The following WDR17 variants were observed in gnomAD, a reference collection of about 807,000 sequenced individuals.
WDR17 encodes WD repeat-containing protein 17.
A neutral mutation model predicts 161.7 loss-of-function variants in WDR17; 143 were observed. The observed-to-expected ratio is 0.88, with a 90% confidence interval of 0.77 to 1.02. The LOEUF (loss-of-function observed/expected upper bound fraction) is 1.02, where lower values mean the gene tolerates loss of function less well. Ranked by LOEUF, WDR17 falls within the 50% of genes least tolerant of loss-of-function variation. WDR17 has a pLI of 0.00. For synonymous variants in WDR17, 517 were observed against 515.6 expected (o/e 1.00, Z -0.04); for missense variants, 1,469 against 1,520.9 (o/e 0.97, Z 0.57).
chr4:176,071,122 C>CT (rs10654972), intron 1 of WDR17, among the ~76,000 whole-genome samples: 256 of 146,842 alleles, frequency 1.7e-3, no homozygotes, highest in East Asian at 5.4e-3. Context: ...TTCCTCAAGT[C>CT]TTTTTTTTTT....
chr4:176,176,377 A>G (rs1751458361), intron 26 of WDR17, among the ~76,000 whole-genome samples: 4 of 152,062 alleles, frequency 2.6e-5, no homozygotes, highest in Admixed American at 2.6e-4. Context: ...TTCTTGACCC[A>G]CTAAATATGT....
intron 4 of WDR17, among the ~76,000 whole-genome samples, chr4:176,120,482 A>G (rs958047022): frequency 2.6e-5 from 4 of 151,944 alleles, no homozygotes; most frequent in Non-Finnish European, 4.4e-5. Flanking sequence ...GTTTACTAAT[A>G]CTAAATATTT....
In WDR17 at chr4:176,146,106, T is replaced by C. The variant is rs113955542; in HGVS notation, c.1641T>C (p.His547=). 2.5e-5 allele frequency: 41 copies of C among 1,613,956 alleles called. No homozygotes were observed. The highest frequency in any genetic ancestry group is 3.3e-5 in the Admixed American group (2 of 60,004). Residue 547 remains histidine (H), a synonymous_variant, in exon 12 of 29, where the codon CAT becomes CAC. Transcript: ENST00000508596. ...VFSGHTAKVF[H]VKWSPLREGI... Reference sequence around the variant, plus strand: ...GTGGGCATACAGCAAAAGTGTTTCATGTTAAATGGTCTCCTCTGAGAGAGG... The same window carrying C: ...GTGGGCATACAGCAAAAGTGTTTCACGTTAAATGGTCTCCTCTGAGAGAGG...
At chr4:176,097,184 T>A (rs2126646428) in intron 1 of WDR17, among the ~76,000 whole-genome samples, 2 of 152,030 alleles carry the variant, frequency 1.3e-5, no homozygotes, top group East Asian at 3.8e-4. Context: ...TCAAATGGAT[T>A]TAGTCTAGAA....
At chr4:176,132,624 A>G (rs1743647832) in intron 7 of WDR17, among the ~76,000 whole-genome samples, 3 of 152,046 alleles carry the variant, frequency 2.0e-5, no homozygotes, top group African/African-American at 7.2e-5. Context: ...AATGATTTAT[A>G]GCAAAAATAT....
intron 11 of WDR17, 139 bp downstream of exon 11, chr4:176,142,208 C>G: frequency 1.9e-6 from 1 of 517,314 alleles, no homozygotes; most frequent in Non-Finnish European, 3.3e-6. Context: ...AAATGAGAAA[C>G]AGCCTTGTAA....
At chr4:176,118,829 C>A (rs1275103287) in intron 3 of WDR17, among the ~76,000 whole-genome samples, 2 of 151,712 alleles carry the variant, frequency 1.3e-5, no homozygotes, top group Admixed American at 1.3e-4. Flanking sequence ...GGCATGGTGG[C>A]GGGCGCCTGT....
chr4:176,151,298 A>T (rs1323325084), intron 16 of WDR17, among the ~76,000 whole-genome samples: 1 of 152,156 alleles, frequency 6.6e-6, no homozygotes, highest in Non-Finnish European at 1.5e-5. Context: ...ACTGTTGTAT[A>T]TTACTTTATC....
intron 1 of WDR17, among the ~76,000 whole-genome samples, chr4:176,073,257 C>T (rs1733476224): frequency 1.3e-5 from 2 of 152,294 alleles, no homozygotes; most frequent in Non-Finnish European, 2.9e-5. Context: ...CTCCCCTCTT[C>T]TCCCACCCTA....
At chr4:176,160,802 T>G in intron 19 of WDR17, 109 bp from the exon 20 acceptor site, 1 of 859,844 alleles carries the variant, frequency 1.2e-6, no homozygotes, top group Non-Finnish European at 1.7e-6. Context: ...CAAATTATAG[T>G]ATAAATTTCA....
At chr4:176,137,278 A>G (rs1001193619) in intron 8 of WDR17, among the ~76,000 whole-genome samples, 1 of 151,598 alleles carries the variant, frequency 6.6e-6, no homozygotes, top group African/African-American at 2.4e-5. Context: ...CTCCAAATAA[A>G]TTCAGCAGAT....
At chr4:176,072,035 TC>T (rs1733312128) in intron 1 of WDR17, among the ~76,000 whole-genome samples, 1 of 152,206 alleles carries the variant, frequency 6.6e-6, no homozygotes, top group Admixed American at 6.5e-5. Context: ...ATGACCTCAT[TC>T]TTCTCTACTT....
Position 176,161,072 on chromosome 4 carries a change from C to T in WDR17, c.2750+70C>T, listed in dbSNP as rs1320618503. The T allele has an allele frequency of 8.4e-6, 11 of 1,303,678 alleles. No homozygotes were observed. The South Asian group carries it at 1.4e-4, about 17-fold the overall frequency. The allele number at this position is 1,303,678 out of a possible 1,614,324, so 80.8% of individuals were successfully genotyped here. A position where few individuals can be genotyped will look rare whatever the true frequency, so the allele number is the denominator to read the frequency against. ...TTCCCTTTAGGAATTTTTGAAGTCT[C>T]TATAATTCATCCTTCTTTGTATACT... is the stretch of plus-strand genomic sequence containing the variant. On this transcript the variant is annotated intron_variant, in intron 20 of 28. Coordinates refer to ENST00000508596, the MANE Select transcript of WDR17 (RefSeq NM_181265.4).
At chr4:176,131,812 CTGAA>C (rs1238951261) in intron 7 of WDR17, 74 bp downstream of exon 7, 20 of 1,142,258 alleles carry the variant, frequency 1.8e-5, no homozygotes, top group Non-Finnish European at 2.3e-5. Context: ...TTTTACCTGT[CTGAA>C]TATTATTTGA....
At chr4:176,078,872 A>G (rs1734393534) in intron 1 of WDR17, among the ~76,000 whole-genome samples, 1 of 152,034 alleles carries the variant, frequency 6.6e-6, no homozygotes. Flanking sequence ...CATTTCTTGT[A>G]TTGGGAGCAT....
chr4:176,073,725 T>C (rs1158953838), intron 1 of WDR17, among the ~76,000 whole-genome samples: 3 of 150,004 alleles, frequency 2.0e-5, no homozygotes, highest in Non-Finnish European at 4.5e-5. Context: ...CCACCAACAG[T>C]GTAAAAGTGT....
chr4:176,087,443 G>T (rs549927855), intron 1 of WDR17, among the ~76,000 whole-genome samples: 3 of 151,970 alleles, frequency 2.0e-5, no homozygotes, highest in African/African-American at 7.2e-5. Flanking sequence ...TCTTTTTGTG[G>T]TTTCTGGCAT....
chr4:176,143,476 C>A lies in WDR17; in HGVS notation c.1529+1407C>A, dbSNP rs1362233261. Among the ~76,000 whole-genome samples, 6 of 142,226 alleles carry A rather than the reference C, an allele frequency of 4.2e-5. No individual in the cohort carries two copies. In the South Asian group the frequency reaches 6.7e-4, roughly 16 times the overall value. 93.3% of individuals were successfully genotyped at this position (142,226 alleles called of 152,430 possible). ...CTCAGGAGTTCAATACCAGCCTGGGCAACATAGTGAGACTTCGTCTCTTAA... is the reference window on the plus strand; with the variant it reads ...CTCAGGAGTTCAATACCAGCCTGGGAAACATAGTGAGACTTCGTCTCTTAA... On this transcript the variant is annotated intron_variant, in intron 11 of 28. Coordinates refer to ENST00000508596, the MANE Select transcript of WDR17 (RefSeq NM_181265.4).
intron 4 of WDR17, among the ~76,000 whole-genome samples, chr4:176,124,628 G>A (rs1341237013): frequency 6.6e-6 from 1 of 152,114 alleles, no homozygotes; most frequent in Non-Finnish European, 1.5e-5. Context: ...TGAGGCACAG[G>A]GAGATTAAGT....
Sources: allele counts gnomAD v4.1 joint callset (sites outside exome capture counted in the v4.1 genomes callset), GRCh38; gene constraint gnomAD v4.1.1; transcripts MANE v1.5; gene names NCBI Gene and HGNC (gene_info 2026-07-23, HGNC 2026-07-21).